The following NET1 variants were observed in gnomAD, a reference collection of about 807,000 sequenced individuals.
The protein encoded by NET1 is neuroepithelial cell-transforming gene 1 protein.
In NET1, 42 loss-of-function variants were observed where a neutral mutation model predicts 61.1. The ratio of observed to expected loss-of-function variants is 0.69; its 90% CI spans 0.54 to 0.89. The LOEUF (loss-of-function observed/expected upper bound fraction) is 0.89. Ranked by LOEUF, NET1 falls within the 40% of genes least tolerant of loss-of-function variation. The pLI, the probability that NET1 is intolerant of heterozygous loss-of-function variation, is 0.00. For synonymous variants in NET1, 254 were observed against 281.8 expected, an observed-to-expected ratio of 0.90 and a Z score of 0.99; for missense variants, 654 against 747.3, an observed-to-expected ratio of 0.88 and a Z score of 1.46.
intron 2 of NET1, among the ~76,000 whole-genome samples, 158 bp from the exon 3 acceptor site, chr10:5,429,012 A>G (rs1010689762): frequency 6.6e-6 from 1 of 151,428 alleles, no homozygotes; most frequent in African/African-American, 2.4e-5. Context: ...GAAATTACAG[A>G]CGTGAGCCAC....
rs6601964 is a variant in NET1, at chr10:5,417,633, C to T, written c.128+4813C>T. ...TCATCAGCAAATAAAAATAGTTTTA[C>T]TTCTTTTTCCAATCTCTGGATGCCC... On this transcript the variant is annotated intron_variant, in intron 1 of 11. Transcript: ENST00000355029. The surrounding 1 kb of genome is among the most constrained non-coding windows in gnomAD (Gnocchi z 5.5). Among the ~76,000 whole-genome samples, 37,432 of 151,950 alleles carry T rather than the reference C, an allele frequency of 0.25. 4,888 individuals carry two copies. The highest frequency in any genetic ancestry group is 0.29 in the Non-Finnish European group (19,368 of 67,948).
In NET1 at chr10:5,427,354, A is replaced by T. The variant is rs1003039476; in HGVS notation, c.195+633A>T. Among the ~76,000 whole-genome samples the T allele has an allele frequency of 1.3e-5, 2 of 152,210 alleles. No homozygotes were observed. Among genetic ancestry groups the T allele is most frequent in the Admixed American group, 1.3e-4 (2 of 15,282 alleles). On this transcript the variant is annotated intron_variant, in intron 2 of 11. Transcript: ENST00000355029. This position sits in a 1 kb window ranked among gnomAD's most constrained non-coding sequence, Gnocchi z 4.1. Reference sequence around the variant, plus strand: ...TCAAAATATAATTTCATATAAATGCATAAGTATGATCATATATGTGCTTTT... The same window carrying T: ...TCAAAATATAATTTCATATAAATGCTTAAGTATGATCATATATGTGCTTTT...
Position 5,426,722 on chromosome 10 carries a change from G to C in NET1, c.195+1G>C, listed in dbSNP as rs1212725101. On this transcript the variant is annotated splice_donor_variant, in intron 2 of 11. Transcript: ENST00000355029. LOFTEE classifies it high-confidence loss of function. The surrounding 1 kb of genome is among the most constrained non-coding windows in gnomAD (Gnocchi z 4.6). ...TGGCCCCAACTGGGACTTCACTTTG[G>C]TGAGTAGATACCTGGGTTTTTATTT... 1.3e-5 allele frequency: 21 copies of C among 1,599,102 alleles called. No individual in the cohort carries two copies. Among genetic ancestry groups the C allele is most frequent in the Non-Finnish European group, 1.5e-5 (18 of 1,173,208 alleles).
At position 5,444,976 on chromosome 10, in the gene NET1, C is replaced by T. The variant is rs750339240; in HGVS notation, c.256-6854C>T. ...AATTGTAGGCGTCTGTGACTTCTTG[C>T]TTATATCCTTTTCCTTCTTCCCTAC... On this transcript the variant is annotated intron_variant, in intron 3 of 11. Transcript: ENST00000355029. The surrounding 1 kb of genome is among the most constrained non-coding windows in gnomAD (Gnocchi z 5.3). Among the ~76,000 whole-genome samples the T allele has an allele frequency of 3.2e-4, 48 of 152,312 alleles. No homozygotes were observed. The highest frequency in any genetic ancestry group is 5.1e-4 in the Non-Finnish European group (35 of 68,026).
At position 5,452,370 on chromosome 10, in the gene NET1, C is replaced by T. The variant is rs1424863316; in HGVS notation, c.376C>T (p.Arg126Cys). 22 of 1,607,882 alleles carry T rather than the reference C, an allele frequency of 1.4e-5. 1 individual carries two copies. Among genetic ancestry groups the T allele is most frequent in the East Asian group, 4.5e-5 (2 of 44,774 alleles). ...TTTCTTTTTTAAGTCATTTACCCTT[C>T]GTGGTGACCACAGATCCCCAGCCTC... ...FGQTIQSFTL[R>C]GDHRSPASAQ... Residue 126 changes from arginine (R) to cysteine (C), a missense_variant, in exon 5 of 12, where the codon CGT (arginine) becomes TGT (cysteine). By Grantham distance (180) the Arg-to-Cys change is radical. Coordinates refer to ENST00000355029, the MANE Select transcript of NET1 (RefSeq NM_001047160.3). The surrounding 1 kb of genome is among the most constrained non-coding windows in gnomAD (Gnocchi z 4.0).
At position 5,421,766 on chromosome 10, in the gene NET1, A is replaced by AC. The variant is rs1832177193; in HGVS notation, c.129-4885dup. 6.6e-6 allele frequency among the ~76,000 whole-genome samples: 1 copy of AC among 152,110 alleles called. No homozygotes were observed. The highest frequency in any genetic ancestry group is 6.6e-5 in the Admixed American group (1 of 15,260). On this transcript the variant is annotated intron_variant, in intron 1 of 11. Coordinates refer to ENST00000355029, the MANE Select transcript of NET1 (RefSeq NM_001047160.3). This position sits in a 1 kb window ranked among gnomAD's most constrained non-coding sequence, Gnocchi z 4.2. ...CAATCCATTGTTAGAACATTTCATC[A>AC]CCCCAAATATCCCTGCTCCCACCCC...
chr10:5,456,881 A>C lies in NET1; in HGVS notation c.1678A>C (p.Met560Leu), dbSNP rs1435907174. The C allele has an allele frequency of 6.2e-7, 1 of 1,614,152 alleles. No homozygotes were observed. Among genetic ancestry groups the C allele is most frequent in the Non-Finnish European group, 8.5e-7 (1 of 1,180,018 alleles). Residue 560 changes from methionine (M) to leucine (L), a missense_variant, in exon 12 of 12, where the codon ATG (methionine) becomes CTG (leucine). Coordinates refer to ENST00000355029, the MANE Select transcript of NET1 (RefSeq NM_001047160.3). The surrounding 1 kb of genome is among the most constrained non-coding windows in gnomAD (Gnocchi z 7.0). The part of the protein sequence containing the change: ...DENAYRCGSG[M>L]QMAEDSKSLK... Reference sequence around the variant, plus strand: ...AAACGCTTACAGATGTGGCTCTGGCATGCAGATGGCAGAGGACAGCAAGAG... The same window carrying C: ...AAACGCTTACAGATGTGGCTCTGGCCTGCAGATGGCAGAGGACAGCAAGAG...
chr10:5,444,103 T>G lies in NET1; in HGVS notation c.256-7727T>G, dbSNP rs1467930450. 6.6e-6 allele frequency among the ~76,000 whole-genome samples: 1 copy of G among 152,092 alleles called. No individual in the cohort carries two copies. The highest frequency in any genetic ancestry group is 1.5e-5 in the Non-Finnish European group (1 of 68,018). Reference sequence around the variant, plus strand: ...TTAAAATTAAGAGTAAAATTAGGAGTCCACAATCGCTCAGGTGCTTCTACT... The same window carrying G: ...TTAAAATTAAGAGTAAAATTAGGAGGCCACAATCGCTCAGGTGCTTCTACT... On this transcript the variant is annotated intron_variant, in intron 3 of 11. Transcript: ENST00000355029. This position sits in a 1 kb window ranked among gnomAD's most constrained non-coding sequence, Gnocchi z 5.3.
rs61753458 is a variant in NET1, at chr10:5,456,847, A to G, written c.1644A>G (p.Glu548=). ...CAGTTTCCAGTGTTACTCAGGTAGA[A>G]GTTGATGAAAACGCTTACAGATGTG... is the stretch of plus-strand genomic sequence containing the variant. ...ASTVSSVTQV[E]VDENAYRCGS... Residue 548 remains glutamate, a synonymous_variant, in exon 12 of 12, where the codon GAA becomes GAG. Transcript: ENST00000355029. This position sits in a 1 kb window ranked among gnomAD's most constrained non-coding sequence, Gnocchi z 7.0. 2.3e-3 allele frequency: 3,675 copies of G among 1,614,134 alleles called. 96 individuals are homozygous for G. The Admixed American group carries it at 0.051, about 22-fold the overall frequency.
rs201881295 is a variant in NET1, at chr10:5,453,557, C to T, written c.765C>T (p.Ser255=). The change falls in exon 8 of 12, where the codon AGC becomes AGT. Residue 255 remains serine (S), a synonymous_variant. Coordinates refer to ENST00000355029, the MANE Select transcript of NET1 (RefSeq NM_001047160.3). The surrounding 1 kb of genome is among the most constrained non-coding windows in gnomAD (Gnocchi z 4.9). ...TVEQIGHILV[S]WLPRLNAYRG... is the part of the protein sequence containing the mutation. ...AGCAGATTGGTCACATTCTCGTGAGCTGGGTATGTAGTGAGTTGTTGACCC... is the reference window on the plus strand; with the variant it reads ...AGCAGATTGGTCACATTCTCGTGAGTTGGGTATGTAGTGAGTTGTTGACCC... 3 of 1,613,844 alleles carry T rather than the reference C, an allele frequency of 1.9e-6. No individual in the cohort carries two copies. The highest frequency in any genetic ancestry group is 1.7e-5 in the Admixed American group (1 of 60,008).
rs1832073725 is a variant in NET1 at position 5,415,833 on chromosome 10, C to G, written c.128+3013C>G. On this transcript the variant is annotated intron_variant, in intron 1 of 11. Coordinates refer to ENST00000355029, the MANE Select transcript of NET1 (RefSeq NM_001047160.3). The surrounding 1 kb of genome is among the most constrained non-coding windows in gnomAD (Gnocchi z 4.7). The stretch of plus-strand genomic sequence containing the variant: ...CAGATAGATTATTTGCAAATATTTT[C>G]TCTTATTCTGTGGTTTGTCTTTTCA... Among the ~76,000 whole-genome samples the G allele has an allele frequency of 6.6e-6, 1 of 152,080 alleles. No homozygotes were observed. Among genetic ancestry groups the G allele is most frequent in the Non-Finnish European group, 1.5e-5 (1 of 68,012 alleles).
At chr10:5,428,499 C>CAAAA (rs11459465) in intron 2 of NET1, among the ~76,000 whole-genome samples, 9,952 of 147,668 alleles carry the variant, frequency 0.067, 399 homozygotes, top group African/African-American at 0.092. Flanking sequence ...TGTTCCTTTT[C>CAAAA]AAAAAAAAAA....
chr10:5,420,605 A>T lies in NET1; in HGVS notation c.129-6050A>T, dbSNP rs1370189218. Among the ~76,000 whole-genome samples the T allele has an allele frequency of 6.6e-6, 1 of 151,208 alleles. No individual in the cohort carries two copies. The highest frequency in any genetic ancestry group is 1.5e-5 in the Non-Finnish European group (1 of 67,778). The stretch of plus-strand genomic sequence containing the variant: ...TCTTTCTTTTTTATTTTATTTTTTT[A>T]TTTATTTTTGAGATGGAGTCTTGCT... On this transcript the variant is annotated intron_variant, in intron 1 of 11. Coordinates refer to ENST00000355029, the MANE Select transcript of NET1 (RefSeq NM_001047160.3). The surrounding 1 kb of genome is among the most constrained non-coding windows in gnomAD (Gnocchi z 5.3).
rs927978943 is a variant in NET1, at chr10:5,449,198, G to A, written c.256-2632G>A. On this transcript the variant is annotated intron_variant, in intron 3 of 11. Transcript: ENST00000355029. This position sits in a 1 kb window ranked among gnomAD's most constrained non-coding sequence, Gnocchi z 4.4. ...TTTACATTTCATAATCACACTTTTC[G>A]TTATTTTAGTCATTAAAATTGTTCA... 3.3e-5 allele frequency among the ~76,000 whole-genome samples: 5 copies of A among 151,936 alleles called. No homozygotes were observed. The highest frequency in any genetic ancestry group is 9.7e-5 in the African/African-American group (4 of 41,354).
At position 5,449,474 on chromosome 10, in the gene NET1, G is replaced by T. The variant is rs1439339590; in HGVS notation, c.256-2356G>T. The stretch of plus-strand genomic sequence containing the variant: ...TCCTTTGTGGAGAAGTGGGATTATA[G>T]TTGGATTTTTAAAGGACTGTGGAAC... On this transcript the variant is annotated intron_variant, in intron 3 of 11. Transcript: ENST00000355029. This position sits in a 1 kb window ranked among gnomAD's most constrained non-coding sequence, Gnocchi z 4.4. Among the ~76,000 whole-genome samples, 3 of 152,118 alleles carry T rather than the reference G, an allele frequency of 2.0e-5. No individual in the cohort carries two copies. Among genetic ancestry groups the T allele is most frequent in the African/African-American group, 7.2e-5 (3 of 41,410 alleles).
Position 5,454,914 on chromosome 10 carries a change from A to G in NET1, c.1027-34A>G, listed in dbSNP as rs1832772193. 6.2e-7 allele frequency: 1 copy of G among 1,603,148 alleles called. No homozygotes were observed. Among genetic ancestry groups the G allele is most frequent in the Non-Finnish European group, 8.5e-7 (1 of 1,171,852 alleles). ...GGAAGCAGAATGAGTTAATAAACTG[A>G]AGCTGCTCTGTCAATTTTATTTATC... On this transcript the variant is annotated intron_variant, in intron 9 of 11. Transcript: ENST00000355029. The surrounding 1 kb of genome is among the most constrained non-coding windows in gnomAD (Gnocchi z 8.1).
chr10:5,452,278 C>T lies in NET1; in HGVS notation c.364-80C>T, dbSNP rs1832716983. On this transcript the variant is annotated intron_variant, in intron 4 of 11. Coordinates refer to ENST00000355029, the MANE Select transcript of NET1 (RefSeq NM_001047160.3). This position sits in a 1 kb window ranked among gnomAD's most constrained non-coding sequence, Gnocchi z 4.0. Reference sequence around the variant, plus strand: ...ATTCTCAGAACTTTGTCTTTCTTCACTTTAAAAAAAAAGAAAATGGGAATA... The same window carrying T: ...ATTCTCAGAACTTTGTCTTTCTTCATTTTAAAAAAAAAGAAAATGGGAATA... The T allele has an allele frequency of 3.9e-6, 5 of 1,294,624 alleles. No individual in the cohort carries two copies. In the South Asian group the frequency reaches 6.4e-5, roughly 17 times the overall value. 80.2% of individuals were successfully genotyped at this position (1,294,624 alleles called of 1,614,324 possible). A position where few individuals can be genotyped will look rare whatever the true frequency, so the allele number is the denominator to read the frequency against.
At position 5,415,122 on chromosome 10, in the gene NET1, C is replaced by T. The variant is rs1832057446; in HGVS notation, c.128+2302C>T. Reference sequence around the variant, plus strand: ...GGCAAGAAGCAACTAAGCACTGTATCAGATTCAGAAATCATAAGGAAAAAG... The same window carrying T: ...GGCAAGAAGCAACTAAGCACTGTATTAGATTCAGAAATCATAAGGAAAAAG... On this transcript the variant is annotated intron_variant, in intron 1 of 11. Transcript: ENST00000355029. The surrounding 1 kb of genome is among the most constrained non-coding windows in gnomAD (Gnocchi z 4.7). Among the ~76,000 whole-genome samples the T allele has an allele frequency of 6.6e-6, 1 of 152,172 alleles. No homozygotes were observed. The highest frequency in any genetic ancestry group is 1.5e-5 in the Non-Finnish European group (1 of 68,030).
rs1244333451 is a variant in NET1, at chr10:5,451,410, C to A, written c.256-420C>A. 1.3e-5 allele frequency among the ~76,000 whole-genome samples: 2 copies of A among 151,996 alleles called. No homozygotes were observed. The highest frequency in any genetic ancestry group is 6.6e-5 in the Admixed American group (1 of 15,260). ...GACAAAAATGAAACAAATTGTTATA[C>A]CAGACACTGTGGAGGCCCCTCGATA... On this transcript the variant is annotated intron_variant, in intron 3 of 11. Coordinates refer to ENST00000355029, the MANE Select transcript of NET1 (RefSeq NM_001047160.3). The surrounding 1 kb of genome is among the most constrained non-coding windows in gnomAD (Gnocchi z 6.1).
Sources: allele counts gnomAD v4.1 joint callset (sites outside exome capture counted in the v4.1 genomes callset), GRCh38; gene constraint gnomAD v4.1.1; non-coding constraint Gnocchi (gnomAD v3.1); transcripts MANE v1.5; gene names NCBI Gene and HGNC (gene_info 2026-07-23, HGNC 2026-07-21).